CYP4B1: variants seen among roughly 807,000 people sequenced by gnomAD.
CYP4B1 encodes the protein cytochrome P450 4B1.
A neutral mutation model predicts 54.0 loss-of-function variants in CYP4B1; 45 were observed. That is an observed-to-expected ratio of 0.83 (90% confidence interval 0.66 to 1.07). CYP4B1 has a LOEUF of 1.07. Ranked by LOEUF, CYP4B1 falls within the 50% of genes least tolerant of loss-of-function variation. The pLI is 0.00. For synonymous variants in CYP4B1, 248 were observed against 247.5 expected, an observed-to-expected ratio of 1.00 and a Z score of -0.02; for missense variants, 656 against 655.4, an observed-to-expected ratio of 1.00 and a Z score of -0.01.
intron 11 of CYP4B1, 144 bp downstream of exon 11, chr1:46,818,357 C>G: frequency 1.2e-6 from 1 of 817,544 alleles, no homozygotes. Flanking sequence ...GAGGCTTCTT[C>G]TTGCAATTAT....
At chr1:46,809,604 G>T (rs1679015279) in intron 1 of CYP4B1, among the ~76,000 whole-genome samples, 1 of 152,168 alleles carries the variant, frequency 6.6e-6, no homozygotes, top group Non-Finnish European at 1.5e-5. Flanking sequence ...AAAATGTAAG[G>T]TGCTTAGAAC....
intron 1 of CYP4B1, among the ~76,000 whole-genome samples, chr1:46,800,238 TTTCCTTCCTTCCTTCCTTCC>T (rs1216147120): frequency 4.0e-4 from 17 of 42,434 alleles, no homozygotes; most frequent in African/African-American, 8.9e-4. Context: ...TCTTTCTTTC[TTTCCTTCCTTCCTTCCTTCC>T]TTCCTTCCTT....
chr1:46,800,234 T>TCTCC (rs1177467243), intron 1 of CYP4B1, among the ~76,000 whole-genome samples: 500 of 43,648 alleles, frequency 0.011, 57 homozygotes, highest in East Asian at 0.062. Flanking sequence ...TCTTTCTTTC[T>TCTCC]TTCTTTCCTT....
rs779386617 is a variant in CYP4B1 at position 46,818,611 on chromosome 1, CTT to C, written c.1356-18_1356-17del. 2 of 1,613,494 alleles carry C rather than the reference CTT, an allele frequency of 1.2e-6. No homozygotes were observed. The highest frequency in any genetic ancestry group is 1.1e-5 in the South Asian group (1 of 91,046). ...CTGGATGCTCCATTGCACGATGACTCTTTGTGCTGCTTGCTACAGGAACTGCA... is the reference window on the plus strand; with the variant it reads ...CTGGATGCTCCATTGCACGATGACTCTGTGCTGCTTGCTACAGGAACTGCA... On this transcript the variant is annotated intron_variant, in intron 11 of 11. Transcript: ENST00000371923.
chr1:46,802,132 C>T (rs1569854614), intron 1 of CYP4B1, among the ~76,000 whole-genome samples: 1 of 152,204 alleles, frequency 6.6e-6, no homozygotes, highest in South Asian at 2.1e-4. Context: ...AGGTGCTCAG[C>T]TATATTGTTG....
Position 46,817,104 on chromosome 1 carries a change from T to C in CYP4B1, c.1130T>C (p.Leu377Pro), listed in dbSNP as rs1679365286. The C allele has an allele frequency of 6.2e-7, 1 of 1,614,050 alleles. No individual in the cohort carries two copies. The highest frequency in any genetic ancestry group is 8.5e-7 in the Non-Finnish European group (1 of 1,180,016). ...LTMCIKESFR[L>P]YPPVPQVYRQ... ...ATGTGCATCAAGGAGAGCTTCCGCC[T>C]CTACCCACCTGTGCCCCAGGTGTAC... The change falls in exon 9 of 12, where the codon CTC becomes CCC. Residue 377 changes from leucine (L) to proline (P), a missense_variant. Leu to Pro is a moderately conservative substitution (Grantham distance 98, BLOSUM62 -3). Coordinates refer to ENST00000371923, the MANE Select transcript of CYP4B1 (RefSeq NM_001099772.2).
At chr1:46,812,311 C>T (rs1163648285) in intron 3 of CYP4B1, 185 bp from the exon 4 acceptor site, 1 of 717,192 alleles carries the variant, frequency 1.4e-6, no homozygotes, top group African/African-American at 1.7e-5. Flanking sequence ...CAGCCAAGAA[C>T]TGCTGCCACC....
In CYP4B1 at chr1:46,802,956, A is replaced by G. The variant is rs1678719810; in HGVS notation, c.180+3695A>G. On this transcript the variant is annotated intron_variant, in intron 1 of 11. Transcript: ENST00000371923. The stretch of plus-strand genomic sequence containing the variant: ...AAAAGGCACACAGGCTGGAAAAAGC[A>G]GTGTGTTTAGGAAATTAAATTGTCT... Among the ~76,000 whole-genome samples the G allele has an allele frequency of 1.3e-5, 2 of 152,206 alleles. 1 individual carries two copies. The highest frequency in any genetic ancestry group is 4.8e-5 in the African/African-American group (2 of 41,446).
intron 1 of CYP4B1, among the ~76,000 whole-genome samples, chr1:46,799,852 G>T (rs1344888539): frequency 6.6e-6 from 1 of 152,178 alleles, no homozygotes; most frequent in African/African-American, 2.4e-5. Flanking sequence ...GTTACTCCAG[G>T]GTGGGAACCA....
rs921509536 is a variant in CYP4B1, at chr1:46,808,215, G to A, written c.181-2593G>A. On this transcript the variant is annotated intron_variant, in intron 1 of 11. Transcript: ENST00000371923. ...TCTAGTTCTAGATCCCTGAGGAATCGCCACACTGACTTCCACAATGATTGA... is the reference window on the plus strand; with the variant it reads ...TCTAGTTCTAGATCCCTGAGGAATCACCACACTGACTTCCACAATGATTGA... Among the ~76,000 whole-genome samples the A allele has an allele frequency of 4.6e-5, 7 of 152,194 alleles. No individual in the cohort carries two copies. In the South Asian group the frequency reaches 1.0e-3, roughly 23 times the overall value.
intron 1 of CYP4B1, 71 bp downstream of exon 1, chr1:46,799,332 C>T (rs1678516130): frequency 2.8e-6 from 4 of 1,412,020 alleles, no homozygotes; most frequent in Non-Finnish European, 2.9e-6. Flanking sequence ...AGGCCTAATT[C>T]CCAGGGGGCT....
intron 1 of CYP4B1, among the ~76,000 whole-genome samples, chr1:46,803,811 T>C (rs976271504): frequency 1.3e-5 from 2 of 152,182 alleles, no homozygotes; most frequent in Non-Finnish European, 1.5e-5. Context: ...CTCTTCATAT[T>C]GATATAAACC....
At position 46,818,720 on chromosome 1, in the gene CYP4B1, C is replaced by T. The variant is rs1044482062; in HGVS notation, c.1445C>T (p.Ser482Leu). 1.2e-6 allele frequency: 2 copies of T among 1,614,206 alleles called. No individual in the cohort carries two copies. The highest frequency in any genetic ancestry group is 8.5e-7 in the Non-Finnish European group (1 of 1,180,026). The part of the protein sequence containing the change: ...LLRFEFSLDP[S>L]RLPIKMPQLV... ...CGCTTTGAGTTCTCTCTGGACCCCT[C>T]ACGGCTGCCCATCAAGATGCCCCAG... Residue 482 changes from serine (S) to leucine (L), a missense_variant, in exon 12 of 12, where the codon TCA becomes TTA. Physicochemically the swap from Ser to Leu is moderately radical, Grantham distance 145. Coordinates refer to ENST00000371923, the MANE Select transcript of CYP4B1 (RefSeq NM_001099772.2).
rs369651311 is a variant in CYP4B1, at chr1:46,814,075, C to G, written c.775+12C>G. ...CCATGACCATACAGGTGGGCCTTTC[C>G]CACAAGGCTCACCTCTAGGAAGCCT... On this transcript the variant is annotated intron_variant, in intron 6 of 11. Transcript: ENST00000371923. 3 of 1,613,594 alleles carry G rather than the reference C, an allele frequency of 1.9e-6. No homozygotes were observed. Among genetic ancestry groups the G allele is most frequent in the Admixed American group, 1.7e-5 (1 of 59,992 alleles).
rs760285398 is a variant in CYP4B1 at position 46,814,049 on chromosome 1, C to G, written c.761C>G (p.Ala254Gly). The change falls in exon 6 of 12, where the codon GCC becomes GGC. Residue 254 changes from alanine to glycine, a missense_variant. Coordinates refer to ENST00000371923, the MANE Select transcript of CYP4B1 (RefSeq NM_001099772.2). Reference sequence around the variant, plus strand: ...CGCTTCCTGCGGGCCTGCCAGGTGGCCCATGACCATACAGGTGGGCCTTTC... The same window carrying G: ...CGCTTCCTGCGGGCCTGCCAGGTGGGCCATGACCATACAGGTGGGCCTTTC... The part of the protein sequence containing the change: ...GRRFLRACQV[A>G]HDHTDQVIRE... 1 of 1,613,992 alleles carries G rather than the reference C, an allele frequency of 6.2e-7. No individual in the cohort carries two copies.
intron 1 of CYP4B1, among the ~76,000 whole-genome samples, chr1:46,807,273 G>A (rs1045049097): frequency 2.0e-5 from 3 of 152,176 alleles, no homozygotes; most frequent in African/African-American, 7.2e-5. Context: ...GTCCCTTGTG[G>A]GGTTGCTGCA....
rs1348756346 is a variant in CYP4B1, at chr1:46,799,301, C to T, written c.180+40C>T. 3.3e-6 allele frequency: 5 copies of T among 1,532,160 alleles called. No homozygotes were observed. The South Asian group carries it at 4.8e-5, about 15-fold the overall frequency. The allele number at this position is 1,532,160 out of a possible 1,614,324, so 94.9% of individuals were successfully genotyped here. Reference sequence around the variant, plus strand: ...GGAGGGTGGGGGAGAAAGAAAACATCCTCCCTCCTTTCAGAGAATCAGGCC... The same window carrying T: ...GGAGGGTGGGGGAGAAAGAAAACATTCTCCCTCCTTTCAGAGAATCAGGCC... On this transcript the variant is annotated intron_variant, in intron 1 of 11. Coordinates refer to ENST00000371923, the MANE Select transcript of CYP4B1 (RefSeq NM_001099772.2).
intron 11 of CYP4B1, 31 bp from the exon 12 acceptor site, chr1:46,818,600 G>GCTAT (rs1389795497): frequency 6.2e-7 from 1 of 1,609,736 alleles, no homozygotes. Context: ...ATGCTCCATT[G>GCTAT]CACGATGACT....
intron 7 of CYP4B1, 55 bp downstream of exon 7, chr1:46,814,370 A>G (rs1679247225): frequency 1.5e-6 from 2 of 1,341,746 alleles, no homozygotes; most frequent in African/African-American, 1.4e-5. Context: ...GAGGTCTTCA[A>G]CCATCCTCCC....
Sources: gnomAD v4.1 joint callset for allele counts (sites outside exome capture counted in the v4.1 genomes callset) on GRCh38, gnomAD v4.1.1 for gene constraint, MANE v1.5 for transcripts, NCBI Gene and HGNC (gene_info 2026-07-23, HGNC 2026-07-21) for gene names.